The following AJAP1 variants were observed in gnomAD, a reference collection of about 807,000 sequenced individuals.
AJAP1 encodes the protein adherens junctions associated protein 1, also known as adherens junction-associated protein 1.
Under a neutral mutation model 35.0 loss-of-function variants are expected in AJAP1, and 5 were observed. The observed-to-expected ratio is 0.14, with a 90% CI of 0.07 to 0.30. The LOEUF (loss-of-function observed/expected upper bound fraction) is 0.30. AJAP1 is among the 10% of genes least tolerant of loss of function. AJAP1 has a pLI of 1.00. For missense variants in AJAP1, 586 were observed against 571.0 expected (o/e 1.03, Z -0.27); for synonymous variants, 284 against 249.3 (o/e 1.14, Z -1.31).
At chr1:4,682,264 C>T (rs1164328411) in intron 1 of AJAP1, among the ~76,000 whole-genome samples, 1 of 152,202 alleles carries the variant, frequency 6.6e-6, no homozygotes, top group East Asian at 1.9e-4. Flanking sequence ...GGTGCCTGAT[C>T]AGTGCTGTTG....
intron 1 of AJAP1, among the ~76,000 whole-genome samples, chr1:4,662,661 A>T (rs1639025749): frequency 6.6e-6 from 1 of 152,166 alleles, no homozygotes; most frequent in African/African-American, 2.4e-5. Flanking sequence ...CGTTAGATGG[A>T]TGGAAAATGT....
At chr1:4,707,353 GT>G (rs1640122879) in intron 1 of AJAP1, among the ~76,000 whole-genome samples, 1 of 152,140 alleles carries the variant, frequency 6.6e-6, no homozygotes, top group Non-Finnish European at 1.5e-5. Context: ...GCATAGAGTT[GT>G]GCAGCTACCC....
At chr1:4,763,815 TC>T (rs1294199879) in intron 2 of AJAP1, among the ~76,000 whole-genome samples, 1 of 124,080 alleles carries the variant, frequency 8.1e-6, no homozygotes, top group Non-Finnish European at 1.7e-5. Context: ...TTTCTCCCTC[TC>T]CCCCTCCCCC....
intron 2 of AJAP1, among the ~76,000 whole-genome samples, chr1:4,752,969 C>A (rs1311461106): frequency 6.6e-6 from 1 of 152,216 alleles, no homozygotes; most frequent in African/African-American, 2.4e-5. Flanking sequence ...TGCTCCTTGG[C>A]CACATGCCTT....
chr1:4,707,978 T>G (rs1640138338), intron 1 of AJAP1, among the ~76,000 whole-genome samples: 2 of 149,680 alleles, frequency 1.3e-5, no homozygotes, highest in African/African-American at 4.9e-5. Flanking sequence ...TTTTTTGTTT[T>G]TTTTTTTTGA....
chr1:4,703,708 G>A (rs75460281), intron 1 of AJAP1, among the ~76,000 whole-genome samples: 3,102 of 152,264 alleles, frequency 0.02, 91 homozygotes, highest in South Asian at 0.12. Context: ...CAAAGATCAG[G>A]GGTTGGGTAT....
In AJAP1 at chr1:4,734,271, C is replaced by T. The variant is rs1640869140; in HGVS notation, c.829+21572C>T. The stretch of plus-strand genomic sequence containing the variant: ...GGAAGGGCCTGCCCTACTGAGCCTC[C>T]TGCCTCACTATTAACAGCGCTGCGT... On this transcript the variant is annotated intron_variant, in intron 2 of 5. Coordinates refer to ENST00000378191, the MANE Select transcript of AJAP1 (RefSeq NM_018836.4). The surrounding 1 kb of genome is among the most constrained non-coding windows in gnomAD (Gnocchi z 4.3). Among the ~76,000 whole-genome samples, 1 of 152,210 alleles carries T rather than the reference C, an allele frequency of 6.6e-6. No homozygotes were observed. Among genetic ancestry groups the T allele is most frequent in the Non-Finnish European group, 1.5e-5 (1 of 68,042 alleles).
chr1:4,680,756 T>C (rs1639464112), intron 1 of AJAP1, among the ~76,000 whole-genome samples: 1 of 152,198 alleles, frequency 6.6e-6, no homozygotes, highest in Admixed American at 6.5e-5. Flanking sequence ...GTATAAAATT[T>C]GTTTCCATTC....
rs1266400951 is a variant in AJAP1, at chr1:4,774,070, G to T, written c.1164-357G>T. ...TATCCTTTCTGTCATGTGCAATAAA[G>T]TGGGTCAAATCTGCCATCAGAGGCA... On this transcript the variant is annotated intron_variant, in intron 4 of 5. Coordinates refer to ENST00000378191, the MANE Select transcript of AJAP1 (RefSeq NM_018836.4). 3.9e-5 allele frequency among the ~76,000 whole-genome samples: 6 copies of T among 152,244 alleles called. No homozygotes were observed. In the East Asian group the frequency reaches 1.2e-3, roughly 29 times the overall value.
intron 1 of AJAP1, among the ~76,000 whole-genome samples, chr1:4,668,075 C>T (rs957830653): frequency 2.0e-5 from 3 of 152,008 alleles, no homozygotes; most frequent in Admixed American, 6.6e-5. Context: ...ATTAGCCAGG[C>T]GTGGTGGTAT....
Position 4,655,376 on chromosome 1 carries a change from A to T in AJAP1, c.-50A>T. On this transcript the variant is annotated 5_prime_UTR_variant, in exon 1 of 6. Coordinates refer to ENST00000378191, the MANE Select transcript of AJAP1 (RefSeq NM_018836.4). The surrounding 1 kb of genome is among the most constrained non-coding windows in gnomAD (Gnocchi z 6.9). Reference sequence around the variant, plus strand: ...AAGCGAGCGGGCGCGGGCGCCGCGCAGATGGCCTGGGCGAGCCAGGTCTGA... The same window carrying T: ...AAGCGAGCGGGCGCGGGCGCCGCGCTGATGGCCTGGGCGAGCCAGGTCTGA... The T allele has an allele frequency of 6.6e-7, 1 of 1,508,788 alleles. No homozygotes were observed. Among genetic ancestry groups the T allele is most frequent in the Non-Finnish European group, 8.9e-7 (1 of 1,124,306 alleles). The allele number at this position is 1,508,788 out of a possible 1,614,324, so 93.5% of individuals were successfully genotyped here. A position where few individuals can be genotyped will look rare whatever the true frequency, so the allele number is the denominator to read the frequency against.
intron 2 of AJAP1, among the ~76,000 whole-genome samples, chr1:4,758,456 C>T (rs916533960): frequency 6.6e-5 from 10 of 152,022 alleles, no homozygotes; most frequent in Admixed American, 2.6e-4. Context: ...CAGAAGTTGA[C>T]GAGGAAGCAA....
chr1:4,661,372 C>T (rs950810491), intron 1 of AJAP1, among the ~76,000 whole-genome samples: 1 of 152,194 alleles, frequency 6.6e-6, no homozygotes, highest in African/African-American at 2.4e-5. Context: ...CTGCATTGTC[C>T]CACTCCACCC....
At chr1:4,770,907 C>T (rs542316867) in intron 3 of AJAP1, among the ~76,000 whole-genome samples, 5 of 152,208 alleles carry the variant, frequency 3.3e-5, no homozygotes, top group East Asian at 3.9e-4. Context: ...ACTGGGACCC[C>T]GGGCGTTTTC....
intron 1 of AJAP1, among the ~76,000 whole-genome samples, chr1:4,709,251 G>A (rs1219400887): frequency 4.2e-5 from 6 of 143,006 alleles, no homozygotes; most frequent in Admixed American, 2.1e-4. Flanking sequence ...GGTGGGGGCC[G>A]GTGGGGCCTG....
In AJAP1 at chr1:4,716,134, G is replaced by A. The variant is rs564851717; in HGVS notation, c.829+3435G>A. Among the ~76,000 whole-genome samples, 8 of 152,338 alleles carry A rather than the reference G, an allele frequency of 5.3e-5. No homozygotes were observed. The South Asian group carries it at 1.7e-3, about 32-fold the overall frequency. On this transcript the variant is annotated intron_variant, in intron 2 of 5. Coordinates refer to ENST00000378191, the MANE Select transcript of AJAP1 (RefSeq NM_018836.4). The stretch of plus-strand genomic sequence containing the variant: ...TGGGTGCAGAGAGGAAACGTGGCTG[G>A]TGATTTGGGGGCACTCTGAAATTTC...
At chr1:4,737,225 G>A (rs1333548318) in intron 2 of AJAP1, among the ~76,000 whole-genome samples, 49 of 152,088 alleles carry the variant, frequency 3.2e-4, no homozygotes. Context: ...GCTGGGAGGA[G>A]GCTGGGGCAG....
intron 2 of AJAP1, among the ~76,000 whole-genome samples, chr1:4,721,670 G>C (rs143853494): frequency 2.0e-3 from 311 of 152,318 alleles, no homozygotes; most frequent in Middle Eastern, 3.4e-3. Context: ...AGGATGTGTG[G>C]ATAGGGGCTG....
chr1:4,748,160 C>T (rs1197682927), intron 2 of AJAP1, among the ~76,000 whole-genome samples: 4 of 152,100 alleles, frequency 2.6e-5, no homozygotes, highest in South Asian at 2.1e-4. Context: ...GCCTCATCCT[C>T]GCCCCTGCAT....
Sources: allele counts gnomAD v4.1 joint callset (sites outside exome capture counted in the v4.1 genomes callset), GRCh38; gene constraint gnomAD v4.1.1; non-coding constraint Gnocchi (gnomAD v3.1); transcripts MANE v1.5; gene names NCBI Gene and HGNC (gene_info 2026-07-23, HGNC 2026-07-21).